Variants in WEE1 observed in about 807,000 individuals in gnomAD.
WEE1 encodes the protein WEE1 G2 checkpoint kinase.
WEE1 carries 16 observed loss-of-function variants against 68.8 expected under a neutral mutation model. That is an observed-to-expected ratio of 0.23 (90% confidence interval 0.16 to 0.35). WEE1 has a LOEUF of 0.35. WEE1 is among the 10% of genes least tolerant of loss of function. The probability of loss-of-function intolerance (pLI) is 1.00; values close to 1 mark genes in which losing one functional copy is unlikely to be tolerated. For missense variants in WEE1, 651 were observed against 824.1 expected (o/e 0.79, Z 2.57); for synonymous variants, 349 against 318.7 (o/e 1.09, Z -1.01).
chr11:9,577,950 C>T (rs1032726615), intron 5 of WEE1: 6 of 453,506 alleles, frequency 1.3e-5, no homozygotes, highest in Non-Finnish European at 2.2e-5. Flanking sequence ...AAACCTTTAC[C>T]AAAGTCTTGG....
At chr11:9,575,764 A>ATT (rs1849558590) in intron 1 of WEE1, 124 bp from the exon 2 acceptor site, 1 of 756,918 alleles carries the variant, frequency 1.3e-6, no homozygotes, top group African/African-American at 1.8e-5. Context: ...AACTCTAACA[A>ATT]AGGCTTGTGT....
intron 10 of WEE1, among the ~76,000 whole-genome samples, chr11:9,587,764 A>G (rs1232429742): frequency 6.6e-6 from 1 of 152,168 alleles, no homozygotes; most frequent in Non-Finnish European, 1.5e-5. Flanking sequence ...TTTTAACCTA[A>G]TAAAACTGAC....
chr11:9,581,988 C>G (rs956871296), intron 6 of WEE1, among the ~76,000 whole-genome samples: 2 of 152,202 alleles, frequency 1.3e-5, no homozygotes, highest in African/African-American at 4.8e-5. Flanking sequence ...CTCAGTCTTC[C>G]GAGTAGCCGG....
chr11:9,576,555 C>A lies in WEE1; in HGVS notation c.915C>A (p.Ile305=). The A allele has an allele frequency of 6.2e-7, 1 of 1,613,926 alleles. No homozygotes were observed. The highest frequency in any genetic ancestry group is 8.5e-7 in the Non-Finnish European group (1 of 1,179,938). The stretch of plus-strand genomic sequence containing the variant: ...CAGAATTTCATGAGCTAGAGAAAAT[C>A]GGCTCTGGAGAATTTGGTTCTGTAT... ...YTTEFHELEK[I]GSGEFGSVFK... is the part of the protein sequence containing the mutation. Residue 305 remains isoleucine, a synonymous_variant, in exon 4 of 11, where the codon ATC becomes ATA. Transcript: ENST00000450114. This position sits in a 1 kb window ranked among gnomAD's most constrained non-coding sequence, Gnocchi z 4.3.
Position 9,574,221 on chromosome 11 carries a change from C to G in WEE1, c.288C>G (p.Pro96=). 8.4e-7 allele frequency: 1 copy of G among 1,184,620 alleles called. No individual in the cohort carries two copies. 73.4% of individuals were successfully genotyped at this position (1,184,620 alleles called of 1,614,324 possible). A position where few individuals can be genotyped will look rare whatever the true frequency, so the allele number is the denominator to read the frequency against. Residue 96 remains proline (P), a synonymous_variant, in exon 1 of 11, where the codon CCC becomes CCG. Coordinates refer to ENST00000450114, the MANE Select transcript of WEE1 (RefSeq NM_003390.4). This position sits in a 1 kb window ranked among gnomAD's most constrained non-coding sequence, Gnocchi z 4.9. ...PGELEEDLLL[P]GACPGADEAG... is the part of the protein sequence containing the mutation. ...AGCTGGAGGAGGACCTGTTGCTGCC[C>G]GGCGCCTGCCCGGGCGCGGACGAGG...
At chr11:9,575,699 G>A in intron 1 of WEE1, 189 bp from the exon 2 acceptor site, 1 of 597,414 alleles carries the variant, frequency 1.7e-6, no homozygotes. Flanking sequence ...TTCAAGAAAA[G>A]ATAGTTAATA....
Position 9,574,150 on chromosome 11 carries a change from C to T in WEE1, c.217C>T (p.Pro73Ser), listed in dbSNP as rs1482709095. The part of the protein sequence containing the change: ...PPARSPTEPG[P>S]ERRRSPGPAP... ...CGCGCGGAGCCCCACGGAGCCCGGG[C>T]CCGAGCGCCGCCGCTCGCCCGGGCC... The change falls in exon 1 of 11, where the codon CCC becomes TCC. Residue 73 changes from proline to serine, a missense_variant. Pro to Ser is a moderately conservative substitution (Grantham distance 74). Around this residue, in one of 5 missense-constraint regions of WEE1, gnomAD observed 395 missense variants for 378.4 expected, o/e 1.04. Coordinates refer to ENST00000450114, the MANE Select transcript of WEE1 (RefSeq NM_003390.4). This position sits in a 1 kb window ranked among gnomAD's most constrained non-coding sequence, Gnocchi z 4.9. 2 of 1,193,948 alleles carry T rather than the reference C, an allele frequency of 1.7e-6. No homozygotes were observed. Among genetic ancestry groups the T allele is most frequent in the Non-Finnish European group, 2.1e-6 (2 of 964,670 alleles). The allele number at this position is 1,193,948 out of a possible 1,614,324, so 74.0% of individuals were successfully genotyped here. A position where few individuals can be genotyped will look rare whatever the true frequency, so the allele number is the denominator to read the frequency against.
chr11:9,589,571 A>C lies in WEE1; in HGVS notation c.*969A>C, dbSNP rs577989100. 1 of 985,674 alleles carries C rather than the reference A, an allele frequency of 1.0e-6. No individual in the cohort carries two copies. The highest frequency in any genetic ancestry group is 1.2e-6 in the Non-Finnish European group (1 of 829,920). The allele number at this position is 985,674 out of a possible 1,614,324, so 61.1% of individuals were successfully genotyped here. A position where few individuals can be genotyped will look rare whatever the true frequency, so the allele number is the denominator to read the frequency against. On this transcript the variant is annotated 3_prime_UTR_variant, in exon 11 of 11. Transcript: ENST00000450114. ...TGCCAGAATGACTTCTGACATTCCA[A>C]GTTTTTCACAAAATATATTTTATCT...
rs878995501 is a variant in WEE1 at position 9,577,418 on chromosome 11, A to C, written c.1141+155A>C. On this transcript the variant is annotated intron_variant, in intron 5 of 10. Transcript: ENST00000450114. ...ATAAATTTCAAGTACAAGGTTAAAA[A>C]CCTTGTCCTTTCTGAAGCACCTTGT... 5.1e-5 allele frequency: 48 copies of C among 938,278 alleles called. No homozygotes were observed. In the Middle Eastern group the frequency reaches 1.0e-3, roughly 20 times the overall value. The allele number at this position is 938,278 out of a possible 1,614,324, so 58.1% of individuals were successfully genotyped here. A position where few individuals can be genotyped will look rare whatever the true frequency, so the allele number is the denominator to read the frequency against.
At chr11:9,575,259 C>T in intron 1 of WEE1, 1 of 985,744 alleles carries the variant, frequency 1.0e-6, no homozygotes, top group Non-Finnish European at 1.2e-6. Flanking sequence ...TTTTGAAAGG[C>T]CTTCGAGTAC....
At chr11:9,578,953 C>T (rs1201509050) in intron 5 of WEE1, 1 of 151,476 alleles carries the variant, frequency 6.6e-6, no homozygotes, top group Non-Finnish European at 1.5e-5. Flanking sequence ...GTCGCCCAGG[C>T]TGGAGTGCAG....
chr11:9,580,814 G>T (rs1849619333), intron 5 of WEE1: 1 of 152,136 alleles, frequency 6.6e-6, no homozygotes, highest in South Asian at 2.1e-4. Flanking sequence ...GAAGAAATGG[G>T]TTGTCTTTGT....
chr11:9,584,525 G>A (rs1165356578), intron 6 of WEE1, among the ~76,000 whole-genome samples: 2 of 151,978 alleles, frequency 1.3e-5, no homozygotes, highest in Non-Finnish European at 2.9e-5. Context: ...TGAATTTGAA[G>A]AAAAAAGGTA....
At chr11:9,577,821 C>CCTCTCCCCT (rs1565087856) in intron 5 of WEE1, 1 of 451,652 alleles carries the variant, frequency 2.2e-6, no homozygotes, top group African/African-American at 2.0e-5. Flanking sequence ...GTCTCTCCCT[C>CCTCTCCCCT]CTCTCCCCTA....
At chr11:9,583,748 C>T (rs1383911434) in intron 6 of WEE1, among the ~76,000 whole-genome samples, 7 of 55,406 alleles carry the variant, frequency 1.3e-4, no homozygotes, top group African/African-American at 4.1e-4. Flanking sequence ...CGTGTGTGTG[C>T]GTGCACGCGC....
In WEE1 at chr11:9,588,513, A is replaced by G. The variant is rs758348531; in HGVS notation, c.1852A>G (p.Met618Val). 1 of 1,612,698 alleles carries G rather than the reference A, an allele frequency of 6.2e-7. No homozygotes were observed. The highest frequency in any genetic ancestry group is 8.5e-7 in the Non-Finnish European group (1 of 1,179,702). Residue 618 changes from methionine to valine, a missense_variant, in exon 11 of 11, where the codon ATG (methionine) becomes GTG (valine). Met to Val is a conservative substitution (Grantham distance 21, BLOSUM62 1). Around this residue, in one of 5 missense-constraint regions of WEE1, gnomAD observed 115 missense variants for 142.7 expected, o/e 0.81. Transcript: ENST00000450114. ...AEERALFTDR[M>V]ATRSTTQSNR... ...GGAAAGAGCACTCTTCACTGACCGG[A>G]TGGCCACTAGGTCCACCACCCAGAG...
chr11:9,575,660 T>C (rs1849557648), intron 1 of WEE1: 1 of 553,738 alleles, frequency 1.8e-6, no homozygotes, highest in African/African-American at 1.9e-5. Flanking sequence ...CTTTTTAGGG[T>C]TAGAGGCAGA....
rs1430030956 is a variant in WEE1, at chr11:9,583,755, G to A, written c.1289-1503G>A. Among the ~76,000 whole-genome samples the A allele has an allele frequency of 2.3e-3, 20 of 8,750 alleles. 1 individual carries two copies. The highest frequency in any genetic ancestry group is 0.022 in the East Asian group (6 of 274). 5.7% of individuals were successfully genotyped at this position (8,750 alleles called of 152,430 possible). A position where few individuals can be genotyped will look rare whatever the true frequency, so the allele number is the denominator to read the frequency against. On this transcript the variant is annotated intron_variant, in intron 6 of 10. Coordinates refer to ENST00000450114, the MANE Select transcript of WEE1 (RefSeq NM_003390.4). The stretch of plus-strand genomic sequence containing the variant: ...TATTTGTGCGTGTGTGTGCGTGCAC[G>A]CGCGCGCACACACACACACACACAC...
chr11:9,582,947 A>T (rs1490673966), intron 6 of WEE1, among the ~76,000 whole-genome samples: 1 of 152,224 alleles, frequency 6.6e-6, no homozygotes, highest in African/African-American at 2.4e-5. Flanking sequence ...GTACTCATAT[A>T]AAGTGTTAGA....
Sources: gnomAD v4.1 joint callset for allele counts (sites outside exome capture counted in the v4.1 genomes callset) on GRCh38, gnomAD v4.1.1 for gene constraint, gnomAD v4.1.1 regional missense constraint, Gnocchi (gnomAD v3.1) non-coding constraint, MANE v1.5 for transcripts, NCBI Gene and HGNC (gene_info 2026-07-23, HGNC 2026-07-21) for gene names.